Variants in PAWR observed in about 807,000 individuals in gnomAD.
PAWR encodes the protein PRKC apoptosis WT1 regulator protein.
PAWR carries 23 observed loss-of-function variants against 32.0 expected under a neutral mutation model. That is an observed-to-expected ratio of 0.72 (90% CI 0.52 to 1.02). The LOEUF is 1.02. Among genes scored for constraint, PAWR ranks in the 50% least tolerant of loss-of-function variants. The pLI is 0.00. For missense variants in PAWR, 457 were observed against 437.7 expected (o/e 1.04, Z -0.39); for synonymous variants, 226 against 187.1 (o/e 1.21, Z -1.70).
chr12:79,664,211 G>C (rs1451323322), intron 2 of PAWR, among the ~76,000 whole-genome samples: 2 of 152,110 alleles, frequency 1.3e-5, no homozygotes, highest in African/African-American at 4.8e-5. Context: ...TTCAAGGGTT[G>C]AGACTGCAAC....
At chr12:79,643,651 AC>A (rs768153543) in intron 2 of PAWR, among the ~76,000 whole-genome samples, 5 of 152,064 alleles carry the variant, frequency 3.3e-5, no homozygotes, top group Non-Finnish European at 5.9e-5. Flanking sequence ...TACAAAACCT[AC>A]TCTAAATCCT....
chr12:79,632,349 ATATATATATATATT>A (rs1159418737), intron 2 of PAWR, among the ~76,000 whole-genome samples: 1,031 of 33,512 alleles, frequency 0.031, 37 homozygotes, highest in Non-Finnish European at 0.037. Context: ...ATATATATAT[ATATATATATATATT>A]TTTTTTTTTT....
intron 3 of PAWR, 69 bp from the exon 4 acceptor site, chr12:79,613,678 G>T: frequency 1.3e-6 from 1 of 765,852 alleles, no homozygotes; most frequent in Non-Finnish European, 2.1e-6. Context: ...ATATAAAATA[G>T]TTGATAGAGA....
chr12:79,648,190 T>C (rs1472666884), intron 2 of PAWR, among the ~76,000 whole-genome samples: 2 of 152,094 alleles, frequency 1.3e-5, no homozygotes, highest in Non-Finnish European at 2.9e-5. Flanking sequence ...ATAAAATCCA[T>C]AAAGTAAATA....
At chr12:79,596,135 C>T (rs1873739476) in intron 5 of PAWR, among the ~76,000 whole-genome samples, 1 of 152,086 alleles carries the variant, frequency 6.6e-6, no homozygotes. Context: ...ACCTGAGACC[C>T]TATGGTTAAT....
chr12:79,591,261 C>T lies in PAWR; in HGVS notation c.*1346G>A, dbSNP rs1011878758. Reference sequence around the variant, plus strand: ...TTGATTATCATTTACTCCACATTTTCCCCCAGCTGTCTCACCTTCTCTATT... The same window carrying T: ...TTGATTATCATTTACTCCACATTTTTCCCCAGCTGTCTCACCTTCTCTATT... On this transcript the variant is annotated 3_prime_UTR_variant, in exon 7 of 7. Transcript: ENST00000328827. 3.3e-5 allele frequency: 5 copies of T among 152,108 alleles called. No individual in the cohort carries two copies. The highest frequency in any genetic ancestry group is 1.9e-4 in the East Asian group (1 of 5,190). The allele number at this position is 152,108 out of a possible 1,614,324, so 9.4% of individuals were successfully genotyped here.
At chr12:79,625,674 G>A (rs564819066) in intron 2 of PAWR, among the ~76,000 whole-genome samples, 3 of 152,140 alleles carry the variant, frequency 2.0e-5, no homozygotes, top group Admixed American at 6.5e-5. Flanking sequence ...CAAAAAATTA[G>A]CTGGCCGTGG....
chr12:79,671,423 A>T (rs1877894507), intron 2 of PAWR, among the ~76,000 whole-genome samples: 1 of 152,218 alleles, frequency 6.6e-6, no homozygotes. Flanking sequence ...TTAGCGTAGA[A>T]GTAGCTTCTC....
chr12:79,674,142 C>T (rs559380090), intron 2 of PAWR, among the ~76,000 whole-genome samples: 70 of 151,998 alleles, frequency 4.6e-4, no homozygotes, highest in Non-Finnish European at 5.4e-4. Flanking sequence ...TCACAATACC[C>T]GACTTCACTA....
At chr12:79,595,715 G>A (rs1385697168) in intron 5 of PAWR, among the ~76,000 whole-genome samples, 1 of 152,084 alleles carries the variant, frequency 6.6e-6, no homozygotes, top group Non-Finnish European at 1.5e-5. Context: ...AGCCGGGCTT[G>A]GTGGTGCATG....
chr12:79,638,538 C>A (rs894644515), intron 2 of PAWR, among the ~76,000 whole-genome samples: 1 of 152,006 alleles, frequency 6.6e-6, no homozygotes, highest in African/African-American at 2.4e-5. Context: ...TTTACTATCT[C>A]ATTTTTAACT....
At chr12:79,678,853 G>A (rs73345558) in intron 2 of PAWR, among the ~76,000 whole-genome samples, 1,777 of 145,340 alleles carry the variant, frequency 0.012, 44 homozygotes, top group African/African-American at 0.042. Context: ...CTTAATTAAT[G>A]GCTCCCTTTA....
At chr12:79,665,246 C>T (rs1428870412) in intron 2 of PAWR, among the ~76,000 whole-genome samples, 1 of 152,078 alleles carries the variant, frequency 6.6e-6, no homozygotes, top group Non-Finnish European at 1.5e-5. Context: ...ATCTTCAAAC[C>T]ATAACTATTC....
intron 2 of PAWR, among the ~76,000 whole-genome samples, chr12:79,674,774 T>A (rs1179732985): frequency 6.6e-6 from 1 of 151,508 alleles, no homozygotes; most frequent in Non-Finnish European, 1.5e-5. Flanking sequence ...TCTCAAAACA[T>A]GACATACACG....
intron 2 of PAWR, among the ~76,000 whole-genome samples, chr12:79,649,589 C>T (rs1565690035): frequency 6.6e-6 from 1 of 151,928 alleles, no homozygotes; most frequent in Non-Finnish European, 1.5e-5. Flanking sequence ...GAGTACAAGA[C>T]CAGCCCGGTG....
At position 79,590,991 on chromosome 12, in the gene PAWR, G is replaced by C. The variant is rs545447409; in HGVS notation, c.*1616C>G. ...GATAGATAAAATTATGTCAATTCCA[G>C]GGTGTTCAATGGAATAAAGAAACAG... On this transcript the variant is annotated 3_prime_UTR_variant, in exon 7 of 7. Transcript: ENST00000328827. 6.6e-6 allele frequency: 1 copy of C among 152,324 alleles called. No individual in the cohort carries two copies. The highest frequency in any genetic ancestry group is 1.5e-5 in the Non-Finnish European group (1 of 68,020). The allele number at this position is 152,324 out of a possible 1,614,324, so 9.4% of individuals were successfully genotyped here. A position where few individuals can be genotyped will look rare whatever the true frequency, so the allele number is the denominator to read the frequency against.
Position 79,690,119 on chromosome 12 carries a change from C to T in PAWR, c.126G>A (p.Pro42=), listed in dbSNP as rs1565710481. Residue 42 remains proline (P), a synonymous_variant, in exon 2 of 7, where the codon CCG becomes CCA. Transcript: ENST00000328827. ...CAGCGGCGTCGCTGCTGCCCCCTCCCGGGGGGGCCGGGCCCGGGGGGTTCT... is the reference window on the plus strand; with the variant it reads ...CAGCGGCGTCGCTGCTGCCCCCTCCTGGGGGGGCCGGGCCCGGGGGGTTCT... ...AKQNPPGPAP[P]GGGSSDAAGK... is the part of the protein sequence containing the mutation. 1 of 1,499,956 alleles carries T rather than the reference C, an allele frequency of 6.7e-7. No homozygotes were observed. The highest frequency in any genetic ancestry group is 8.9e-7 in the Non-Finnish European group (1 of 1,127,300). 92.9% of individuals were successfully genotyped at this position (1,499,956 alleles called of 1,614,324 possible).
chr12:79,636,024 G>C (rs980392956), intron 2 of PAWR, among the ~76,000 whole-genome samples: 1 of 152,104 alleles, frequency 6.6e-6, no homozygotes, highest in Non-Finnish European at 1.5e-5. Context: ...GCCAATCATA[G>C]TATTTCTTGA....
At chr12:79,607,537 TG>T (rs1174855276) in intron 4 of PAWR, among the ~76,000 whole-genome samples, 1 of 151,956 alleles carries the variant, frequency 6.6e-6, no homozygotes, top group Non-Finnish European at 1.5e-5. Flanking sequence ...AGGATCACCC[TG>T]GGCAACACAG....
Sources: gnomAD v4.1 joint callset for allele counts (sites outside exome capture counted in the v4.1 genomes callset) on GRCh38, gnomAD v4.1.1 for gene constraint, MANE v1.5 for transcripts, NCBI Gene and HGNC (gene_info 2026-07-23, HGNC 2026-07-21) for gene names.